HLCS: variants seen among roughly 807,000 people sequenced by gnomAD.
HLCS encodes the protein biotin--protein ligase.
In HLCS, 53 loss-of-function variants were observed where a neutral mutation model predicts 75.0. That is an observed-to-expected ratio of 0.71 (90% CI 0.57 to 0.89). HLCS has a LOEUF of 0.89. Ranked by LOEUF, HLCS falls within the 40% of genes least tolerant of loss-of-function variation. HLCS has a pLI of 0.00. For missense variants in HLCS, 966 were observed against 1,074.0 expected (o/e 0.90, Z 1.41); for synonymous variants, 431 against 428.6 (o/e 1.01, Z -0.07).
chr21:36,756,779 C>T, intron 9 of HLCS, 24 bp from the exon 10 acceptor site: 1 of 1,613,748 alleles, frequency 6.2e-7, no homozygotes, highest in Non-Finnish European at 8.5e-7. Context: ...AACAATTGAG[C>T]AGCTCAGCCT....
At chr21:36,986,335 C>T (rs1234182749) in intron 1 of HLCS, among the ~76,000 whole-genome samples, 3 of 152,186 alleles carry the variant, frequency 2.0e-5, no homozygotes, top group African/African-American at 7.2e-5. Flanking sequence ...TATTCTGTTA[C>T]GGAAGCATAA....
intron 6 of HLCS, among the ~76,000 whole-genome samples, chr21:36,796,101 T>C (rs192410924): frequency 6.6e-6 from 1 of 152,328 alleles, no homozygotes; most frequent in East Asian, 1.9e-4. Context: ...GTTGCCTGAC[T>C]CGCTTCATGA....
intron 2 of HLCS, among the ~76,000 whole-genome samples, chr21:36,941,049 TA>T (rs2067118542): frequency 2.0e-5 from 3 of 152,142 alleles, no homozygotes; most frequent in African/African-American, 7.2e-5. Context: ...CCGTCTCTAC[TA>T]AAAACACAAA....
intron 6 of HLCS, among the ~76,000 whole-genome samples, chr21:36,798,097 G>A (rs1047568315): frequency 2.0e-5 from 3 of 152,164 alleles, no homozygotes; most frequent in Non-Finnish European, 2.9e-5. Flanking sequence ...GGCAAGGAAC[G>A]ATCCGGGCAG....
Position 36,922,770 on chromosome 21 carries a change from C to T in HLCS, c.1620+7481G>A, listed in dbSNP as rs140623886. 2.0e-5 allele frequency among the ~76,000 whole-genome samples: 3 copies of T among 152,300 alleles called. No individual in the cohort carries two copies. The East Asian group carries it at 5.8e-4, about 29-fold the overall frequency. On this transcript the variant is annotated intron_variant, in intron 5 of 10. Transcript: ENST00000674895. ...GTGGGGGAAATGGGGGATTAAACACCACTCAGGTCCACAAACTGCCTGTCA... is the reference window on the plus strand; with the variant it reads ...GTGGGGGAAATGGGGGATTAAACACTACTCAGGTCCACAAACTGCCTGTCA...
intron 6 of HLCS, among the ~76,000 whole-genome samples, chr21:36,815,528 AT>A (rs2061637903): frequency 6.6e-6 from 1 of 152,230 alleles, no homozygotes; most frequent in Non-Finnish European, 1.5e-5. Context: ...TTCTCATATT[AT>A]TACTGAGAAA....
chr21:36,876,673 A>G (rs1257149802), intron 6 of HLCS, among the ~76,000 whole-genome samples: 1 of 152,230 alleles, frequency 6.6e-6, no homozygotes, highest in African/African-American at 2.4e-5. Context: ...GACCCAGCAC[A>G]TAGTCTACCT....
chr21:36,946,847 G>T (rs372710898), intron 2 of HLCS, among the ~76,000 whole-genome samples: 1 of 152,254 alleles, frequency 6.6e-6, no homozygotes, highest in East Asian at 1.9e-4. Flanking sequence ...TAGAGGGTCA[G>T]GCCCACCCAA....
chr21:36,780,836 G>A (rs56804042), intron 6 of HLCS, among the ~76,000 whole-genome samples: 4,802 of 152,102 alleles, frequency 0.032, 282 homozygotes, highest in African/African-American at 0.11. Flanking sequence ...GTGCATGTGC[G>A]TGTGTATACA....
Position 36,756,754 on chromosome 21 carries a change from G to C in HLCS, c.2238C>G (p.Gly746=). ...LMGETFYILI[G]CGFNVTNSNP... Reference sequence around the variant, plus strand: ...TACTGTTAGTCACATTAAATCCACAGCCTGGACAAAAACAAACAATTGAGC... The same window carrying C: ...TACTGTTAGTCACATTAAATCCACACCCTGGACAAAAACAAACAATTGAGC... The change falls in exon 10 of 11, where the codon GGC becomes GGG. Residue 746 remains glycine, a splice_region_variant and synonymous_variant. Coordinates refer to ENST00000674895, the MANE Select transcript of HLCS (RefSeq NM_001352514.2). 1 of 1,614,080 alleles carries C rather than the reference G, an allele frequency of 6.2e-7. No homozygotes were observed. The highest frequency in any genetic ancestry group is 8.5e-7 in the Non-Finnish European group (1 of 1,180,004).
chr21:36,786,671 A>C (rs1036613339), intron 6 of HLCS, among the ~76,000 whole-genome samples: 1 of 152,226 alleles, frequency 6.6e-6, no homozygotes, highest in Admixed American at 6.5e-5. Flanking sequence ...TTCCTAAAAA[A>C]TCTGGAGAGG....
intron 6 of HLCS, among the ~76,000 whole-genome samples, chr21:36,882,331 G>A (rs1309748872): frequency 2.0e-5 from 3 of 151,958 alleles, no homozygotes; most frequent in Admixed American, 1.3e-4. Context: ...TAATCTCACA[G>A]ATGAGAAACA....
At chr21:36,853,871 A>T (rs910453128) in intron 6 of HLCS, among the ~76,000 whole-genome samples, 13 of 152,234 alleles carry the variant, frequency 8.5e-5, no homozygotes, top group Admixed American at 8.5e-4. Flanking sequence ...TGCTGTTTTT[A>T]AAAATTAATT....
Position 36,896,669 on chromosome 21 carries a change from C to A in HLCS, c.1892+191G>T, listed in dbSNP as rs142978440. The A allele has an allele frequency of 6.9e-3, 4,391 of 639,480 alleles. 18 individuals are homozygous for A. Among genetic ancestry groups the A allele is most frequent in the Non-Finnish European group, 9.5e-3 (3,552 of 372,314 alleles). 39.6% of individuals were successfully genotyped at this position (639,480 alleles called of 1,614,324 possible). A position where few individuals can be genotyped will look rare whatever the true frequency, so the allele number is the denominator to read the frequency against. ...ACCTTCCATTCCCATAAAAAACAAA[C>A]CTGTGATCAAAGAACTTCAATTTCC... On this transcript the variant is annotated intron_variant, in intron 6 of 10. Transcript: ENST00000674895.
At position 36,938,844 on chromosome 21, in the gene HLCS, G is replaced by C. The variant is rs2067012346; in HGVS notation, c.481C>G (p.Gln161Glu). The C allele has an allele frequency of 1.2e-6, 2 of 1,613,828 alleles. No homozygotes were observed. Among genetic ancestry groups the C allele is most frequent in the Non-Finnish European group, 8.5e-7 (1 of 1,180,006 alleles). ...TAAAGTTACTTACACACAATCTTTTGGGGTACCAGTCCATTATCCATGTGG... is the reference window on the plus strand; with the variant it reads ...TAAAGTTACTTACACACAATCTTTTCGGGTACCAGTCCATTATCCATGTGG... ...RLHMDNGLVP[Q>E]KIVSVHLQDS... is the part of the protein sequence containing the mutation. The change falls in exon 3 of 11, where the codon CAA becomes GAA. Residue 161 changes from glutamine (Q) to glutamate (E), a missense_variant. By Grantham distance (29) the Gln-to-Glu change is conservative. Transcript: ENST00000674895.
intron 5 of HLCS, among the ~76,000 whole-genome samples, chr21:36,906,354 C>T (rs2065454533): frequency 1.3e-5 from 2 of 151,890 alleles, no homozygotes; most frequent in Non-Finnish European, 2.9e-5. Context: ...ATGGAAAGAC[C>T]TCATGTCTAA....
In HLCS at chr21:36,915,851, G is replaced by A. The variant is rs189933093; in HGVS notation, c.1620+14400C>T. 3.3e-3 allele frequency among the ~76,000 whole-genome samples: 500 copies of A among 151,990 alleles called. 3 individuals are homozygous for A. Among genetic ancestry groups the A allele is most frequent in the African/African-American group, 0.012 (482 of 41,468 alleles). ...AGCTGGACTGTGCGGGCAGCCGCTC[G>A]GGCAGAGAGGGCTGTGCACTGCCGG... On this transcript the variant is annotated intron_variant, in intron 5 of 10. Transcript: ENST00000674895.
Position 36,937,276 on chromosome 21 carries a change from C to T in HLCS, c.610G>A (p.Gly204Ser). 3 of 1,614,050 alleles carry T rather than the reference C, an allele frequency of 1.9e-6. No individual in the cohort carries two copies. The highest frequency in any genetic ancestry group is 2.5e-6 in the Non-Finnish European group (3 of 1,180,000). Reference sequence around the variant, plus strand: ...TCATCTCTGCCAACATGCTCCATACCGTCCTGCTCAGGCTTAATCTCAAGA... The same window carrying T: ...TCATCTCTGCCAACATGCTCCATACTGTCCTGCTCAGGCTTAATCTCAAGA... ...PSLEIKPEQD[G>S]MEHVGRDDPK... Residue 204 changes from glycine to serine, a missense_variant, in exon 4 of 11, where the codon GGT becomes AGT. Transcript: ENST00000674895.
At chr21:36,889,043 G>A (rs535631630) in intron 6 of HLCS, among the ~76,000 whole-genome samples, 2 of 152,228 alleles carry the variant, frequency 1.3e-5, no homozygotes, top group South Asian at 2.1e-4. Flanking sequence ...CAAACGCACC[G>A]TCAGGCATGG....
Sources: allele counts gnomAD v4.1 joint callset (sites outside exome capture counted in the v4.1 genomes callset), GRCh38; gene constraint gnomAD v4.1.1; transcripts MANE v1.5; gene names NCBI Gene and HGNC (gene_info 2026-07-23, HGNC 2026-07-21).